CUX1: variants seen among roughly 807,000 people sequenced by gnomAD.
CUX1 encodes cut like homeobox 1.
Under a neutral mutation model 158.8 loss-of-function variants are expected in CUX1, and 31 were observed. The ratio of observed to expected loss-of-function variants is 0.20; its 90% CI spans 0.15 to 0.26. The LOEUF (loss-of-function observed/expected upper bound fraction) is 0.26. Among genes scored for constraint, CUX1 ranks in the 10% least tolerant of loss-of-function variants. The probability of loss-of-function intolerance (pLI) is 1.00; values close to 1 mark genes in which losing one functional copy is unlikely to be tolerated. For synonymous variants in CUX1, 879 were observed against 862.1 expected (o/e 1.02, Z -0.34); for missense variants, 1,589 against 2,014.6 (o/e 0.79, Z 4.04).
At chr7:102,189,661 G>A in intron 11 of CUX1, 152 bp from the exon 12 acceptor site, 1 of 774,078 alleles carries the variant, frequency 1.3e-6, no homozygotes, top group Non-Finnish European at 2.2e-6. Flanking sequence ...GAGCGTGAGG[G>A]ACAAAAGATG....
At chr7:102,071,097 C>T (rs1001529698) in intron 4 of CUX1, among the ~76,000 whole-genome samples, 3 of 151,788 alleles carry the variant, frequency 2.0e-5, no homozygotes, top group African/African-American at 7.3e-5. Flanking sequence ...CTGGGAGGTA[C>T]GTGCCACCAC....
At chr7:101,868,242 G>A (rs866142036) in intron 1 of CUX1, among the ~76,000 whole-genome samples, 3 of 152,134 alleles carry the variant, frequency 2.0e-5, no homozygotes, top group Non-Finnish European at 4.4e-5. Flanking sequence ...CTGGGGACCC[G>A]AGTTTCCTTC....
chr7:101,866,409 C>T (rs1232497032), intron 1 of CUX1, among the ~76,000 whole-genome samples: 1 of 152,010 alleles, frequency 6.6e-6, no homozygotes, highest in Non-Finnish European at 1.5e-5. Context: ...GTAAAGGTTG[C>T]GGTGAGCCGG....
At chr7:102,075,750 T>C (rs1826636445) in intron 4 of CUX1, among the ~76,000 whole-genome samples, 1 of 152,148 alleles carries the variant, frequency 6.6e-6, no homozygotes, top group South Asian at 2.1e-4. Context: ...TTTTATTGAG[T>C]TGTAGCAGTT....
chr7:102,200,883 C>G (rs1277093315), intron 17 of CUX1, among the ~76,000 whole-genome samples: 1 of 151,634 alleles, frequency 6.6e-6, no homozygotes, highest in Non-Finnish European at 1.5e-5. Context: ...ACTAGCCAGG[C>G]ATGGTGGCAT....
chr7:101,908,391 T>G (rs951717887), intron 1 of CUX1, among the ~76,000 whole-genome samples: 9 of 152,140 alleles, frequency 5.9e-5, no homozygotes, highest in Admixed American at 2.6e-4. Context: ...GGTGATTTGC[T>G]CGCCTCGGCC....
At chr7:101,878,148 A>T (rs1799349546) in intron 1 of CUX1, among the ~76,000 whole-genome samples, 1 of 152,214 alleles carries the variant, frequency 6.6e-6, no homozygotes, top group South Asian at 2.1e-4. Flanking sequence ...GCACAAAAGG[A>T]ATGCAACAGA....
At chr7:102,013,966 A>G (rs1486726128) in intron 2 of CUX1, among the ~76,000 whole-genome samples, 1 of 152,122 alleles carries the variant, frequency 6.6e-6, no homozygotes, top group Non-Finnish European at 1.5e-5. Context: ...CAGCCTCCCA[A>G]AGTGCTGGGA....
At chr7:102,126,533 C>T (rs1041147033) in intron 8 of CUX1, among the ~76,000 whole-genome samples, 15 of 152,106 alleles carry the variant, frequency 9.9e-5, no homozygotes, top group Non-Finnish European at 1.9e-4. Flanking sequence ...ATTATGTCCC[C>T]TAAACCCATC....
chr7:102,252,685 C>T lies in CUX1; in HGVS notation c.*3643C>T, dbSNP rs1801642359. ...GCAGGTGTGTGAGTTCTGTCCTAGA[C>T]CTGTGCCCAACTCACTTCCACCCCA... On this transcript the variant is annotated 3_prime_UTR_variant, in exon 24 of 24. Transcript: ENST00000292535. 1 of 985,442 alleles carries T rather than the reference C, an allele frequency of 1.0e-6. No homozygotes were observed. Among genetic ancestry groups the T allele is most frequent in the Non-Finnish European group, 1.2e-6 (1 of 829,950 alleles). The allele number at this position is 985,442 out of a possible 1,614,324, so 61.0% of individuals were successfully genotyped here.
chr7:102,267,304 T>G (rs1586502368), intron 14 of CUX1, among the ~76,000 whole-genome samples: 2 of 151,598 alleles, frequency 1.3e-5, no homozygotes, highest in Admixed American at 1.3e-4. Flanking sequence ...GAGGCTGAGG[T>G]GGGTGGATCA....
At chr7:102,078,677 G>A (rs1554477460) in intron 4 of CUX1, among the ~76,000 whole-genome samples, 1 of 152,236 alleles carries the variant, frequency 6.6e-6, no homozygotes, top group Non-Finnish European at 1.5e-5. Context: ...ACTGCTAGAA[G>A]TCGCTGTTTC....
intron 8 of CUX1, among the ~76,000 whole-genome samples, chr7:102,124,100 G>A (rs1368028941): frequency 1.3e-5 from 2 of 152,192 alleles, no homozygotes; most frequent in Non-Finnish European, 2.9e-5. Flanking sequence ...CTGATTCACT[G>A]TTAAGGTAAG....
chr7:102,228,224 C>T (rs1282672417), intron 21 of CUX1, among the ~76,000 whole-genome samples: 1 of 151,672 alleles, frequency 6.6e-6, no homozygotes, highest in Admixed American at 6.6e-5. Context: ...TTCTTGGGAT[C>T]ACAGGATCCC....
chr7:102,016,747 G>C (rs908319829), intron 2 of CUX1, among the ~76,000 whole-genome samples: 1 of 152,152 alleles, frequency 6.6e-6, no homozygotes, highest in African/African-American at 2.4e-5. Context: ...GAACATTCTT[G>C]TGCATAAATC....
At chr7:101,821,498 C>T (rs1281730305) in intron 1 of CUX1, among the ~76,000 whole-genome samples, 4 of 151,540 alleles carry the variant, frequency 2.6e-5, no homozygotes, top group Non-Finnish European at 4.4e-5. Context: ...GCCACCAGGC[C>T]TGGCTAATTT....
intron 1 of CUX1, among the ~76,000 whole-genome samples, chr7:101,836,020 G>T (rs569253270): frequency 6.6e-6 from 1 of 152,150 alleles, no homozygotes; most frequent in East Asian, 1.9e-4. Flanking sequence ...GAGCCACCGC[G>T]CCCAGTTGCT....
At chr7:102,018,012 A>G (rs767648829) in intron 2 of CUX1, among the ~76,000 whole-genome samples, 1 of 152,180 alleles carries the variant, frequency 6.6e-6, no homozygotes, top group East Asian at 1.9e-4. Context: ...GCTGGAGTGC[A>G]GTGGCATGAT....
chr7:101,843,051 A>G (rs1218260103), intron 1 of CUX1, among the ~76,000 whole-genome samples: 1 of 151,476 alleles, frequency 6.6e-6, no homozygotes, highest in Non-Finnish European at 1.5e-5. Flanking sequence ...ATTTTTTAGT[A>G]CAGACGGAGT....
Sources: gnomAD v4.1 joint callset for allele counts (sites outside exome capture counted in the v4.1 genomes callset) on GRCh38, gnomAD v4.1.1 for gene constraint, MANE v1.5 for transcripts, NCBI Gene and HGNC (gene_info 2026-07-23, HGNC 2026-07-21) for gene names.